NMNAT2: variants seen among roughly 807,000 people sequenced by gnomAD.
The protein encoded by NMNAT2 is nicotinamide nucleotide adenylyltransferase 2.
Under a neutral mutation model 41.6 loss-of-function variants are expected in NMNAT2, and 11 were observed. The observed-to-expected ratio is 0.26, with a 90% CI of 0.17 to 0.44. NMNAT2 has a LOEUF of 0.44. Ranked by LOEUF, NMNAT2 falls within the 20% of genes least tolerant of loss-of-function variation. NMNAT2 has a pLI of 1.00. For synonymous variants in NMNAT2, 148 were observed against 151.2 expected, an observed-to-expected ratio of 0.98 and a Z score of 0.16; for missense variants, 288 against 407.7, an observed-to-expected ratio of 0.71 and a Z score of 2.53.
chr1:183,398,019 C>A (rs1421812675), intron 1 of NMNAT2, among the ~76,000 whole-genome samples: 1 of 152,164 alleles, frequency 6.6e-6, no homozygotes, highest in African/African-American at 2.4e-5. Flanking sequence ...GCAAAATAAC[C>A]AGCTAACATC....
At chr1:183,321,700 C>T (rs1662359039) in intron 1 of NMNAT2, among the ~76,000 whole-genome samples, 1 of 151,406 alleles carries the variant, frequency 6.6e-6, no homozygotes, top group Non-Finnish European at 1.5e-5. Flanking sequence ...TGCCACTGCA[C>T]TTCAGCCTGG....
chr1:183,412,938 A>G (rs1649158136), intron 1 of NMNAT2, among the ~76,000 whole-genome samples: 1 of 152,196 alleles, frequency 6.6e-6, no homozygotes, highest in Non-Finnish European at 1.5e-5. Flanking sequence ...AAAGAATGCT[A>G]TTTAGCTGCC....
At chr1:183,271,786 C>A (rs1319919641) in intron 8 of NMNAT2, among the ~76,000 whole-genome samples, 3 of 151,922 alleles carry the variant, frequency 2.0e-5, no homozygotes, top group Non-Finnish European at 4.4e-5. Flanking sequence ...GTGTTTCACT[C>A]TTGTCACCCA....
chr1:183,413,902 C>T (rs1300852550), intron 1 of NMNAT2, among the ~76,000 whole-genome samples: 1 of 152,088 alleles, frequency 6.6e-6, no homozygotes, highest in Non-Finnish European at 1.5e-5. Flanking sequence ...CCACCGCGCC[C>T]GGCCTAGAAA....
At chr1:183,409,202 A>T (rs1313519802) in intron 1 of NMNAT2, among the ~76,000 whole-genome samples, 1 of 152,240 alleles carries the variant, frequency 6.6e-6, no homozygotes, top group African/African-American at 2.4e-5. Flanking sequence ...AAATTAAAAA[A>T]AAATTAAATT....
In NMNAT2 at chr1:183,340,838, T is replaced by G. The variant is rs545011623; in HGVS notation, c.86-47045A>C. Among the ~76,000 whole-genome samples the G allele has an allele frequency of 3.3e-5, 5 of 152,306 alleles. No individual in the cohort carries two copies. In the East Asian group the frequency reaches 9.6e-4, roughly 29 times the overall value. ...CCCTGATGGCAGGAGAGCAAAAGGA[T>G]TGTGACCTAAAAGCCCCACCTAACA... On this transcript the variant is annotated intron_variant, in intron 1 of 10. Coordinates refer to ENST00000287713, the MANE Select transcript of NMNAT2 (RefSeq NM_015039.4).
At chr1:183,388,099 T>C (rs2101919372) in intron 1 of NMNAT2, among the ~76,000 whole-genome samples, 1 of 152,336 alleles carries the variant, frequency 6.6e-6, no homozygotes, top group African/African-American at 2.4e-5. Context: ...TGCAGTTTAA[T>C]AGATAAAGAA....
In NMNAT2 at chr1:183,293,765, A is replaced by G. The variant is rs527759719; in HGVS notation, c.114T>C (p.Thr38=). 5 of 1,614,052 alleles carry G rather than the reference A, an allele frequency of 3.1e-6. No individual in the cohort carries two copies. In the Admixed American group the frequency reaches 6.7e-5, roughly 22 times the overall value. Residue 38 remains threonine, a synonymous_variant, in exon 2 of 11, where the codon ACT becomes ACC. Transcript: ENST00000287713. ...FERARDYLHK[T]GRFIVIGGIV... is the part of the protein sequence containing the mutation. ...TCCCGCCAATCACAATAAACCTTCCAGTTTTGTGCAGATAATCCCTGGCTC... is the reference window on the plus strand; with the variant it reads ...TCCCGCCAATCACAATAAACCTTCCGGTTTTGTGCAGATAATCCCTGGCTC...
intron 1 of NMNAT2, among the ~76,000 whole-genome samples, chr1:183,337,423 G>A (rs1165482025): frequency 6.6e-6 from 1 of 151,812 alleles, no homozygotes; most frequent in Non-Finnish European, 1.5e-5. Context: ...ATCACTATTT[G>A]ATATATTATT....
At position 183,333,839 on chromosome 1, in the gene NMNAT2, C is replaced by T. The variant is rs149216651; in HGVS notation, c.86-40046G>A. Among the ~76,000 whole-genome samples, 163 of 152,326 alleles carry T rather than the reference C, an allele frequency of 1.1e-3. 1 individual carries two copies. The highest frequency in any genetic ancestry group is 2.0e-3 in the Non-Finnish European group (135 of 68,026). The stretch of plus-strand genomic sequence containing the variant: ...AGATAATCTGCTGCTGGTGCTTCCC[C>T]CTCCTGACTTATAAATGCTGCCATT... On this transcript the variant is annotated intron_variant, in intron 1 of 10. Transcript: ENST00000287713.
chr1:183,296,804 G>A (rs965618666), intron 1 of NMNAT2, among the ~76,000 whole-genome samples: 1 of 152,016 alleles, frequency 6.6e-6, no homozygotes. Context: ...ATGAGCCACC[G>A]CACCCAGCCC....
chr1:183,332,018 C>T (rs1018678367), intron 1 of NMNAT2, among the ~76,000 whole-genome samples: 6 of 152,028 alleles, frequency 3.9e-5, no homozygotes, highest in African/African-American at 7.2e-5. Context: ...CCTGACCTCA[C>T]GTGATCCACA....
intron 1 of NMNAT2, among the ~76,000 whole-genome samples, chr1:183,316,611 C>T (rs536998191): frequency 3.9e-5 from 6 of 152,292 alleles, no homozygotes; most frequent in South Asian, 2.1e-4. Context: ...TGTCCAGGCA[C>T]GGGGGCCTGA....
At chr1:183,314,543 G>A (rs1188832698) in intron 1 of NMNAT2, among the ~76,000 whole-genome samples, 2 of 152,166 alleles carry the variant, frequency 1.3e-5, no homozygotes, top group African/African-American at 4.8e-5. Flanking sequence ...ACTGTTTGTT[G>A]GGTTAAACTG....
intron 10 of NMNAT2, 87 bp from the exon 11 acceptor site, chr1:183,252,830 C>T (rs1660427395): frequency 1.1e-6 from 1 of 927,100 alleles, no homozygotes; most frequent in Non-Finnish European, 1.8e-6. Context: ...CCCAGCACCC[C>T]ATTTGTAGCC....
intron 1 of NMNAT2, among the ~76,000 whole-genome samples, chr1:183,342,118 T>G (rs1477643351): frequency 6.7e-6 from 1 of 149,446 alleles, no homozygotes; most frequent in Non-Finnish European, 1.5e-5. Context: ...TGTCTCTGAG[T>G]GAGAAACCTT....
At chr1:183,318,886 T>C (rs1273840385) in intron 1 of NMNAT2, among the ~76,000 whole-genome samples, 1 of 152,248 alleles carries the variant, frequency 6.6e-6, no homozygotes, top group Non-Finnish European at 1.5e-5. Context: ...TTGTTGTTAT[T>C]ATTTATTGAA....
At chr1:183,342,963 G>C (rs989559056) in intron 1 of NMNAT2, among the ~76,000 whole-genome samples, 48 of 151,606 alleles carry the variant, frequency 3.2e-4, no homozygotes, top group African/African-American at 1.1e-3. Context: ...TGTTACCCAG[G>C]CTGGCCTCAA....
intron 1 of NMNAT2, chr1:183,304,798 A>C (rs202186184): frequency 4.9e-5 from 79 of 1,611,476 alleles, no homozygotes; most frequent in Non-Finnish European, 6.4e-5. Flanking sequence ...TCAGAGAGTA[A>C]CACAAAGTGG....
Sources: allele counts gnomAD v4.1 joint callset (sites outside exome capture counted in the v4.1 genomes callset), GRCh38; gene constraint gnomAD v4.1.1; transcripts MANE v1.5; gene names NCBI Gene and HGNC (gene_info 2026-07-23, HGNC 2026-07-21).